Variants in ADCY3 observed in about 807,000 individuals in gnomAD.
ADCY3 encodes the protein adenylate cyclase 3.
A neutral mutation model predicts 119.4 loss-of-function variants in ADCY3; 70 were observed. The ratio of observed to expected loss-of-function variants is 0.59; its 90% CI spans 0.48 to 0.72. The LOEUF is 0.72. ADCY3 is among the 30% of genes least tolerant of loss of function. The pLI, the probability that ADCY3 is intolerant of heterozygous loss-of-function variation, is 0.00. For missense variants in ADCY3, 1,238 were observed against 1,541.6 expected (o/e 0.80, Z 3.30); for synonymous variants, 672 against 621.4 (o/e 1.08, Z -1.21).
chr2:24,836,062 T>C (rs1670290546), intron 9 of ADCY3, among the ~76,000 whole-genome samples: 1 of 152,160 alleles, frequency 6.6e-6, no homozygotes, highest in African/African-American at 2.4e-5. Flanking sequence ...GGATGGTCTG[T>C]GGCAGCAGCG....
intron 7 of ADCY3, chr2:24,838,882 G>A: frequency 6.3e-7 from 1 of 1,595,162 alleles, no homozygotes; most frequent in Non-Finnish European, 8.6e-7. Flanking sequence ...CCACGACACA[G>A]GAGTACAATC....
chr2:24,856,675 A>AG (rs553608606), intron 3 of ADCY3, among the ~76,000 whole-genome samples: 70 of 152,334 alleles, frequency 4.6e-4, no homozygotes, highest in South Asian at 1.2e-3. Context: ...CATTTAGACT[A>AG]GGGGGCCCAC....
At chr2:24,908,272 G>T (rs1444341602) in intron 2 of ADCY3, among the ~76,000 whole-genome samples, 1 of 152,052 alleles carries the variant, frequency 6.6e-6, no homozygotes, top group African/African-American at 2.4e-5. Flanking sequence ...GCAGTGAGCT[G>T]AGATTGCACC....
chr2:24,862,735 A>G (rs1673828595), intron 3 of ADCY3, among the ~76,000 whole-genome samples: 1 of 152,294 alleles, frequency 6.6e-6, no homozygotes, highest in Non-Finnish European at 1.5e-5. Context: ...AAATGAAGCA[A>G]ACCTGAGTTT....
Position 24,919,959 on chromosome 2 carries a change from G to C in ADCY3, c.-474C>G, listed in dbSNP as rs1242497715. 1.3e-5 allele frequency: 2 copies of C among 149,348 alleles called. No homozygotes were observed. Among genetic ancestry groups the C allele is most frequent in the South Asian group, 2.0e-4 (1 of 4,952 alleles). The allele number at this position is 149,348 out of a possible 1,614,324, so 9.3% of individuals were successfully genotyped here. On this transcript the variant is annotated 5_prime_UTR_variant, in exon 1 of 22. Transcript: ENST00000679454. The surrounding 1 kb of genome is among the most constrained non-coding windows in gnomAD (Gnocchi z 5.5). ...CCGTGGGCGCCGGCCCAGCGCGCCC[G>C]CCCTGGGGCTGAGGCTCAGGGGCAG...
In ADCY3 at chr2:24,918,975, G is replaced by T; in HGVS notation, c.13C>A (p.Gln5Lys). MPRN[Q>K]GFSEPEYSAE... ...GAGTATTCGGGCTCGGAGAAGCCCT[G>T]GTTCCTCGGCATACTGGCTGGTGTC... The change falls in exon 2 of 22, where the codon CAG (glutamine) becomes AAG (lysine). Residue 5 changes from glutamine (Q) to lysine (K), a missense_variant. By Grantham distance (53) the Gln-to-Lys change is moderately conservative (BLOSUM62 1). This residue lies in a region of ADCY3 where 227 missense variants were observed against 249.3 expected (regional missense o/e 0.91). Coordinates refer to ENST00000679454, the MANE Select transcript of ADCY3 (RefSeq NM_004036.5). This position sits in a 1 kb window ranked among gnomAD's most constrained non-coding sequence, Gnocchi z 5.4. 6.3e-7 allele frequency: 1 copy of T among 1,579,778 alleles called. No homozygotes were observed.
rs1277746210 is a variant in ADCY3 at position 24,834,668 on chromosome 2, T to C, written c.1806-22A>G. Reference sequence around the variant, plus strand: ...TACTCTGCAGTGGGAACAAGCCCCATGAATCCCAAATGCCACATCTGCCTT... The same window carrying C: ...TACTCTGCAGTGGGAACAAGCCCCACGAATCCCAAATGCCACATCTGCCTT... On this transcript the variant is annotated intron_variant, in intron 10 of 21. Coordinates refer to ENST00000679454, the MANE Select transcript of ADCY3 (RefSeq NM_004036.5). This position sits in a 1 kb window ranked among gnomAD's most constrained non-coding sequence, Gnocchi z 4.2. 1.2e-6 allele frequency: 2 copies of C among 1,609,576 alleles called. No homozygotes were observed. The highest frequency in any genetic ancestry group is 1.1e-5 in the South Asian group (1 of 91,022).
intron 3 of ADCY3, among the ~76,000 whole-genome samples, chr2:24,849,493 T>C (rs1030111283): frequency 1.3e-5 from 2 of 152,224 alleles, no homozygotes; most frequent in African/African-American, 4.8e-5. Context: ...TTTTTTTCCC[T>C]TATATATTTC....
At position 24,824,540 on chromosome 2, in the gene ADCY3, C is replaced by G. The variant is rs1384628810; in HGVS notation, c.2578-4G>C. ...GTGTCCGTGCCAGTTTTTCTACCTA[C>G]AGACACAGACAAGGCGAGGCATGTG... On this transcript the variant is annotated splice_polypyrimidine_tract_variant and splice_region_variant and intron_variant, in intron 16 of 21. Transcript: ENST00000679454. The G allele has an allele frequency of 1.2e-6, 2 of 1,613,828 alleles. No homozygotes were observed. Among genetic ancestry groups the G allele is most frequent in the Non-Finnish European group, 1.7e-6 (2 of 1,179,766 alleles).
intron 7 of ADCY3, chr2:24,838,897 T>C (rs1670649475): frequency 6.3e-7 from 1 of 1,583,888 alleles, no homozygotes; most frequent in Admixed American, 1.7e-5. Context: ...ACAATCTTTC[T>C]TCAATCTTTG....
intron 2 of ADCY3, among the ~76,000 whole-genome samples, chr2:24,889,483 T>C (rs911059508): frequency 2.6e-5 from 4 of 152,236 alleles, no homozygotes; most frequent in African/African-American, 4.8e-5. Flanking sequence ...ATTTCTTCAG[T>C]ACATATGCAT....
chr2:24,837,409 A>G (rs1398509883), intron 8 of ADCY3, among the ~76,000 whole-genome samples: 1 of 152,168 alleles, frequency 6.6e-6, no homozygotes, highest in Non-Finnish European at 1.5e-5. Context: ...GGGTGGAGAT[A>G]CAAATTTGGG....
At chr2:24,853,382 T>C (rs1672614032) in intron 3 of ADCY3, among the ~76,000 whole-genome samples, 1 of 152,076 alleles carries the variant, frequency 6.6e-6, no homozygotes, top group Non-Finnish European at 1.5e-5. Context: ...GCTTCCATAT[T>C]CTTTGTATGT....
chr2:24,842,422 C>A lies in ADCY3; in HGVS notation c.826-38G>T. On this transcript the variant is annotated intron_variant, in intron 3 of 21. Transcript: ENST00000679454. This position sits in a 1 kb window ranked among gnomAD's most constrained non-coding sequence, Gnocchi z 4.9. ...GGAGAGGGTCAGAGGCAAAGGTAGG[C>A]CCTGCTAGAGGCAAGTTCAGATACT... is the stretch of plus-strand genomic sequence containing the variant. 6.2e-7 allele frequency: 1 copy of A among 1,613,102 alleles called. No individual in the cohort carries two copies. Among genetic ancestry groups the A allele is most frequent in the Non-Finnish European group, 8.5e-7 (1 of 1,179,526 alleles).
chr2:24,857,741 T>C (rs1673182596), intron 3 of ADCY3, among the ~76,000 whole-genome samples: 1 of 152,136 alleles, frequency 6.6e-6, no homozygotes, highest in Admixed American at 6.5e-5. Flanking sequence ...TTGCATTCTC[T>C]CCTTGACCCA....
intron 3 of ADCY3, among the ~76,000 whole-genome samples, chr2:24,863,893 A>AGGGTTTC (rs1284666961): frequency 6.6e-6 from 1 of 152,128 alleles, no homozygotes; most frequent in Non-Finnish European, 1.5e-5. Context: ...TCCTTTGGGG[A>AGGGTTTC]GGGTTTCCAA....
intron 2 of ADCY3, among the ~76,000 whole-genome samples, chr2:24,909,996 G>A (rs1663382208): frequency 6.6e-6 from 1 of 152,210 alleles, no homozygotes; most frequent in Admixed American, 6.5e-5. Context: ...TTAGCCACAT[G>A]GAGAGGTCAG....
intron 2 of ADCY3, among the ~76,000 whole-genome samples, chr2:24,913,365 A>G (rs1664039831): frequency 6.6e-6 from 1 of 152,122 alleles, no homozygotes; most frequent in Non-Finnish European, 1.5e-5. Context: ...GCCTCCTGTT[A>G]TACCTTAGGG....
intron 20 of ADCY3, 40 bp downstream of exon 20, chr2:24,821,477 A>T: frequency 6.2e-7 from 1 of 1,608,462 alleles, no homozygotes; most frequent in Non-Finnish European, 8.5e-7. Flanking sequence ...CTGCATGGGA[A>T]GGGAGCCTGC....
Sources: gnomAD v4.1 joint callset for allele counts (sites outside exome capture counted in the v4.1 genomes callset) on GRCh38, gnomAD v4.1.1 for gene constraint, gnomAD v4.1.1 regional missense constraint, Gnocchi (gnomAD v3.1) non-coding constraint, MANE v1.5 for transcripts, NCBI Gene and HGNC (gene_info 2026-07-23, HGNC 2026-07-21) for gene names.